PSD4: variants seen among roughly 807,000 people sequenced by gnomAD.
The protein encoded by PSD4 is PH and SEC7 domain-containing protein 4.
PSD4 carries 59 observed loss-of-function variants against 112.5 expected under a neutral mutation model. The observed-to-expected ratio is 0.52, with a 90% confidence interval of 0.43 to 0.65. The LOEUF is 0.65. Among genes scored for constraint, PSD4 ranks in the 30% least tolerant of loss-of-function variants. The pLI is 0.00. For missense variants in PSD4, 1,267 were observed against 1,352.6 expected (o/e 0.94, Z 0.99); for synonymous variants, 533 against 540.0 (o/e 0.99, Z 0.18).
intron 16 of PSD4, among the ~76,000 whole-genome samples, chr2:113,200,813 G>C (rs1275463724): frequency 1.1e-4 from 17 of 152,200 alleles, no homozygotes; most frequent in African/African-American, 4.1e-4. Flanking sequence ...GATGTGAGCT[G>C]TTTGTGTGTA....
intron 1 of PSD4, among the ~76,000 whole-genome samples, chr2:113,180,016 G>A (rs980902911): frequency 6.6e-6 from 1 of 152,152 alleles, no homozygotes; most frequent in African/African-American, 2.4e-5. Context: ...GGCACTTTTA[G>A]AAAAAGGATA....
Position 113,182,330 on chromosome 2 carries a change from C to G in PSD4, c.-111-16C>G. Reference sequence around the variant, plus strand: ...ACAGCCCTTCCCTAACCTGCACTTGCTTTGGGCATTTCCAGGGTAGATATG... The same window carrying G: ...ACAGCCCTTCCCTAACCTGCACTTGGTTTGGGCATTTCCAGGGTAGATATG... On this transcript the variant is annotated splice_polypyrimidine_tract_variant and intron_variant, in intron 1 of 16. Transcript: ENST00000245796. 1 of 937,272 alleles carries G rather than the reference C, an allele frequency of 1.1e-6. No individual in the cohort carries two copies. The highest frequency in any genetic ancestry group is 1.6e-6 in the Non-Finnish European group (1 of 624,188). 58.1% of individuals were successfully genotyped at this position (937,272 alleles called of 1,614,324 possible).
Position 113,185,885 on chromosome 2 carries a change from G to A in PSD4, c.1258G>A (p.Glu420Lys), listed in dbSNP as rs373807976. The A allele has an allele frequency of 1.2e-6, 2 of 1,610,800 alleles. No homozygotes were observed. The highest frequency in any genetic ancestry group is 3.4e-5 in the Admixed American group (2 of 59,280). ...TTCATGTTCTTCCTCAGATGAGAGG[G>A]AGGGTGGACACCCCCAGGAATCTCT... ...TLNSQDRDEREGGHPQESLPC... is the reference protein window; with the variant it reads ...TLNSQDRDERKGGHPQESLPC... Residue 420 changes from glutamate to lysine, a missense_variant, in exon 5 of 17, where the codon GAG becomes AAG. Glu to Lys is a moderately conservative substitution (Grantham distance 56). This residue lies in a region of PSD4 where 723 missense variants were observed against 704.0 expected (regional missense o/e 1.03). Transcript: ENST00000245796.
chr2:113,197,442 A>C (rs1225520539), intron 12 of PSD4, 122 bp from the exon 13 acceptor site: 1 of 976,684 alleles, frequency 1.0e-6, no homozygotes, highest in Non-Finnish European at 1.6e-6. Flanking sequence ...ATTTGTGTGC[A>C]TCCTGGTGAG....
rs376496746 is a variant in PSD4 at position 113,183,936 on chromosome 2, T to A, written c.1056+424T>A. ...GTGACCTTTGCCCCTAACAGAGAGATGCCTATTTCAAAAGTCCAGTCCTCT... is the reference window on the plus strand; with the variant it reads ...GTGACCTTTGCCCCTAACAGAGAGAAGCCTATTTCAAAAGTCCAGTCCTCT... On this transcript the variant is annotated intron_variant, in intron 2 of 16. Transcript: ENST00000245796. 2.4e-4 allele frequency among the ~76,000 whole-genome samples: 36 copies of A among 152,334 alleles called. No individual in the cohort carries two copies. In the East Asian group the frequency reaches 5.8e-3, roughly 24 times the overall value.
intron 5 of PSD4, among the ~76,000 whole-genome samples, chr2:113,186,565 G>A (rs576967985): frequency 6.6e-6 from 1 of 152,326 alleles, no homozygotes; most frequent in Non-Finnish European, 1.5e-5. Flanking sequence ...CAGGGAACCT[G>A]AGCAAGGGCG....
At chr2:113,191,993 G>A (rs945838895) in intron 5 of PSD4, among the ~76,000 whole-genome samples, 11 of 152,066 alleles carry the variant, frequency 7.2e-5, no homozygotes, top group Admixed American at 1.3e-4. Flanking sequence ...GCTGGGAGGT[G>A]GGGAAGGGAC....
intron 15 of PSD4, 88 bp from the exon 16 acceptor site, chr2:113,198,995 G>C (rs1424747196): frequency 6.6e-7 from 1 of 1,520,340 alleles, no homozygotes. Flanking sequence ...CCTGGGAACC[G>C]AGGCGGCCAG....
intron 4 of PSD4, 175 bp downstream of exon 4, chr2:113,185,615 C>A (rs769027503): frequency 3.6e-5 from 56 of 1,549,350 alleles, no homozygotes; most frequent in Non-Finnish European, 4.8e-5. Context: ...ATGAAGGAAA[C>A]GTACAAAAGG....
chr2:113,196,457 G>GCA, intron 12 of PSD4, 150 bp downstream of exon 12: 1 of 1,007,542 alleles, frequency 9.9e-7, no homozygotes, highest in Non-Finnish European at 1.4e-6. Context: ...GTACTGAACA[G>GCA]TGACCATGTG....
At chr2:113,194,012 A>G in intron 10 of PSD4, 64 bp downstream of exon 10, 2 of 1,519,080 alleles carry the variant, frequency 1.3e-6, no homozygotes, top group Non-Finnish European at 1.8e-6. Context: ...TCTTTGTTCC[A>G]AGGGAGATGC....
chr2:113,175,666 G>T (rs370801676), intron 1 of PSD4, among the ~76,000 whole-genome samples: 1 of 152,148 alleles, frequency 6.6e-6, no homozygotes, highest in East Asian at 1.9e-4. Flanking sequence ...AGGAGGGAGC[G>T]TTTGCTTGCT....
chr2:113,183,657 G>A lies in PSD4; in HGVS notation c.1056+145G>A. The A allele has an allele frequency of 5.5e-6, 4 of 725,906 alleles. No individual in the cohort carries two copies. In the South Asian group the frequency reaches 1.1e-4, roughly 19 times the overall value. 45.0% of individuals were successfully genotyped at this position (725,906 alleles called of 1,614,324 possible). ...TGCATCAGTATATAGCAGGGTAATAGAGCAGAAAATCAGGACCAGTGTTGT... is the reference window on the plus strand; with the variant it reads ...TGCATCAGTATATAGCAGGGTAATAAAGCAGAAAATCAGGACCAGTGTTGT... On this transcript the variant is annotated intron_variant, in intron 2 of 16. Coordinates refer to ENST00000245796, the MANE Select transcript of PSD4 (RefSeq NM_012455.3).
chr2:113,179,763 T>A (rs1466489055), intron 1 of PSD4, among the ~76,000 whole-genome samples: 1 of 152,116 alleles, frequency 6.6e-6, no homozygotes, highest in Non-Finnish European at 1.5e-5. Flanking sequence ...ATTCAGAGCA[T>A]CAAGTACAAG....
chr2:113,183,432 A>G lies in PSD4; in HGVS notation c.976A>G (p.Lys326Glu). The G allele has an allele frequency of 1.3e-6, 2 of 1,583,454 alleles. No individual in the cohort carries two copies. Residue 326 changes from lysine (K) to glutamate (E), a missense_variant, in exon 2 of 17, where the codon AAA (lysine) becomes GAA (glutamate). Transcript: ENST00000245796. Reference sequence around the variant, plus strand: ...CCCTCCATTCCCTGTGCCCATCTATAAACCACACTCCATCTGCTGGGCCTC... The same window carrying G: ...CCCTCCATTCCCTGTGCCCATCTATGAACCACACTCCATCTGCTGGGCCTC... ...CTPPFPVPIY[K>E]PHSICWASVA... is the part of the protein sequence containing the mutation.
In PSD4 at chr2:113,193,083, T is replaced by C; in HGVS notation, c.1874T>C (p.Leu625Pro). ...DFSRAVAEEY[L>P]SFFQFGGQSL... ...AGCAGGGCTGTGGCTGAGGAGTACC[T>C]GTCCTTCTTCCAGTTTGGAGGCCAG... is the stretch of plus-strand genomic sequence containing the variant. The change falls in exon 7 of 17, where the codon CTG becomes CCG. Residue 625 changes from leucine (L) to proline (P), a missense_variant. By Grantham distance (98) the Leu-to-Pro change is moderately conservative. This residue lies in a region of PSD4 where 544 missense variants were observed against 648.6 expected (regional missense o/e 0.84). Coordinates refer to ENST00000245796, the MANE Select transcript of PSD4 (RefSeq NM_012455.3). The C allele has an allele frequency of 6.2e-7, 1 of 1,614,194 alleles. No individual in the cohort carries two copies. The highest frequency in any genetic ancestry group is 8.5e-7 in the Non-Finnish European group (1 of 1,179,998).
In PSD4 at chr2:113,193,255, C is replaced by T. The variant is rs770104868; in HGVS notation, c.1920-3C>T. The T allele has an allele frequency of 8.2e-6, 13 of 1,579,530 alleles. No individual in the cohort carries two copies. The East Asian group carries it at 2.7e-4, about 33-fold the overall frequency. ...TCTCCTTGACCCTGGCCCTCCTTTG[C>T]AGGAGCTTCCTCCAGGCCTTGGTGC... On this transcript the variant is annotated splice_region_variant and splice_polypyrimidine_tract_variant and intron_variant, in intron 7 of 16. Coordinates refer to ENST00000245796, the MANE Select transcript of PSD4 (RefSeq NM_012455.3).
In PSD4 at chr2:113,198,818, C is replaced by A. The variant is rs1184913240; in HGVS notation, c.2703C>A (p.Ala901=). 1.3e-6 allele frequency: 2 copies of A among 1,595,232 alleles called. No homozygotes were observed. The highest frequency in any genetic ancestry group is 1.7e-6 in the Non-Finnish European group (2 of 1,175,380). ...AATHSAPPFP[A]AVGSQRRFVR... ...CGCACTCCGCGCCGCCCTTCCCCGCCGCTGTGGGCTCCCAGCGCAGATTCG... is the reference window on the plus strand; with the variant it reads ...CGCACTCCGCGCCGCCCTTCCCCGCAGCTGTGGGCTCCCAGCGCAGATTCG... The change falls in exon 15 of 17, where the codon GCC becomes GCA. Residue 901 remains alanine (A), a synonymous_variant. Transcript: ENST00000245796.
rs1688688118 is a variant in PSD4, at chr2:113,198,861, G to T, written c.2746G>T (p.Val916Leu). ...CAGATTCGTGCGGCCCATCCTGCCC[G>T]TGGGCCCCGCCCAGAGCTCCCTGGT... Reference protein sequence around the residue: ...QRRFVRPILPVGPAQSSLEEQ... With the variant: ...QRRFVRPILPLGPAQSSLEEQ... The change falls in exon 15 of 17, where the codon GTG (valine) becomes TTG (leucine). Residue 916 changes from valine (V) to leucine (L), a missense_variant. Val to Leu is a conservative substitution (Grantham distance 32, BLOSUM62 1). Transcript: ENST00000245796. 3 of 1,594,702 alleles carry T rather than the reference G, an allele frequency of 1.9e-6. No homozygotes were observed. The Admixed American group carries it at 5.1e-5, about 27-fold the overall frequency.
Sources: allele counts gnomAD v4.1 joint callset (sites outside exome capture counted in the v4.1 genomes callset), GRCh38; gene constraint gnomAD v4.1.1; regional missense constraint gnomAD v4.1.1; transcripts MANE v1.5; gene names NCBI Gene and HGNC (gene_info 2026-07-23, HGNC 2026-07-21).